The following AFAP1 variants were observed in gnomAD, a reference collection of about 807,000 sequenced individuals.
AFAP1 encodes actin filament associated protein 1.
A neutral mutation model predicts 93.9 loss-of-function variants in AFAP1; 75 were observed. That is an observed-to-expected ratio of 0.80 (90% CI 0.66 to 0.97). The LOEUF is 0.97. Ranked by LOEUF, AFAP1 falls within the 50% of genes least tolerant of loss-of-function variation. AFAP1 has a pLI of 0.00. For synonymous variants in AFAP1, 517 were observed against 430.7 expected, an observed-to-expected ratio of 1.20 and a Z score of -2.48; for missense variants, 1,201 against 1,050.8, an observed-to-expected ratio of 1.14 and a Z score of -1.98.
intron 9 of AFAP1, among the ~76,000 whole-genome samples, chr4:7,801,075 G>A (rs1412763938): frequency 1.3e-5 from 2 of 152,146 alleles, no homozygotes; most frequent in African/African-American, 4.8e-5. Context: ...TACAAGTAGA[G>A]TAAGAGTCAC....
intron 1 of AFAP1, among the ~76,000 whole-genome samples, chr4:7,882,904 G>A (rs1389108061): frequency 1.3e-5 from 2 of 151,796 alleles, no homozygotes; most frequent in Non-Finnish European, 2.9e-5. Context: ...CTACTAATAG[G>A]CCAGGCACAG....
At chr4:7,904,930 A>T (rs1051725787) in intron 1 of AFAP1, among the ~76,000 whole-genome samples, 6 of 152,060 alleles carry the variant, frequency 3.9e-5, no homozygotes, top group East Asian at 3.9e-4. Context: ...ACTGGTCCCG[A>T]ACTCTGGGCT....
intron 3 of AFAP1, among the ~76,000 whole-genome samples, chr4:7,865,534 T>A (rs997966205): frequency 6.6e-6 from 1 of 152,112 alleles, no homozygotes; most frequent in Non-Finnish European, 1.5e-5. Flanking sequence ...GCCATAACCA[T>A]TTTCCTACCA....
intron 4 of AFAP1, among the ~76,000 whole-genome samples, chr4:7,852,344 A>C (rs563489243): frequency 6.6e-6 from 1 of 152,296 alleles, no homozygotes; most frequent in African/African-American, 2.4e-5. Flanking sequence ...TGGTTTCATT[A>C]AACTGGAAGC....
At chr4:7,895,460 A>C (rs1718709239) in intron 1 of AFAP1, among the ~76,000 whole-genome samples, 1 of 152,190 alleles carries the variant, frequency 6.6e-6, no homozygotes, top group South Asian at 2.1e-4. Context: ...GGATTAACCA[A>C]AGATAATCTG....
At chr4:7,873,599 G>C (rs760288239) in intron 1 of AFAP1, among the ~76,000 whole-genome samples, 11 of 151,882 alleles carry the variant, frequency 7.2e-5, no homozygotes, top group East Asian at 1.9e-4. Context: ...CCACCCATCT[G>C]GGCCTCCCAA....
chr4:7,933,151 C>T (rs1351319034), intron 1 of AFAP1, among the ~76,000 whole-genome samples: 5 of 151,934 alleles, frequency 3.3e-5, no homozygotes, highest in Non-Finnish European at 2.9e-5. Context: ...TTGGTAACCG[C>T]GGTGGGAGAT....
At chr4:7,781,176 T>G (rs1405057727) in intron 13 of AFAP1, among the ~76,000 whole-genome samples, 200 bp downstream of exon 13, 1 of 152,214 alleles carries the variant, frequency 6.6e-6, no homozygotes, top group African/African-American at 2.4e-5. Flanking sequence ...AGAAACACAG[T>G]GCTCAGATAA....
chr4:7,886,622 A>G (rs1441247444), intron 1 of AFAP1, among the ~76,000 whole-genome samples: 1 of 152,214 alleles, frequency 6.6e-6, no homozygotes, highest in Non-Finnish European at 1.5e-5. Context: ...CTGACCCTTA[A>G]AAGTCAGATT....
chr4:7,877,254 C>G (rs62289339), intron 1 of AFAP1, among the ~76,000 whole-genome samples: 48,416 of 152,124 alleles, frequency 0.32, 9,186 homozygotes, highest in Non-Finnish European at 0.44. Context: ...GTGACTTCCA[C>G]AGGAAGAGAA....
At chr4:7,891,036 T>C (rs185998651) in intron 1 of AFAP1, among the ~76,000 whole-genome samples, 702 of 151,896 alleles carry the variant, frequency 4.6e-3, no homozygotes, top group Middle Eastern at 0.031. Context: ...GATAAACAGA[T>C]TGCAATATGT....
At chr4:7,868,573 C>A (rs559215253) in intron 3 of AFAP1, 49 bp downstream of exon 3, 2 of 1,545,460 alleles carry the variant, frequency 1.3e-6, no homozygotes, top group East Asian at 2.3e-5. Flanking sequence ...CCCGTAAGTA[C>A]CCCCAGGCCT....
At chr4:7,929,088 C>T (rs900962154) in intron 1 of AFAP1, among the ~76,000 whole-genome samples, 2 of 152,236 alleles carry the variant, frequency 1.3e-5, no homozygotes, top group East Asian at 1.9e-4. Flanking sequence ...GGAATCAGCA[C>T]ACAGTTCTGC....
chr4:7,867,864 G>A (rs560282376), intron 3 of AFAP1, among the ~76,000 whole-genome samples: 7 of 152,212 alleles, frequency 4.6e-5, no homozygotes, highest in South Asian at 4.2e-4. Context: ...CAGGCAGAGC[G>A]GGGGTGATCA....
chr4:7,810,513 G>C (rs1719916988), intron 8 of AFAP1, among the ~76,000 whole-genome samples: 1 of 152,170 alleles, frequency 6.6e-6, no homozygotes. Context: ...GGAAAGGAAG[G>C]GGAATTGACT....
chr4:7,826,595 C>T (rs1038475858), intron 6 of AFAP1, among the ~76,000 whole-genome samples: 5 of 152,260 alleles, frequency 3.3e-5, no homozygotes, highest in African/African-American at 1.2e-4. Flanking sequence ...TTGTCTGTAG[C>T]ACACAAAAGA....
intron 7 of AFAP1, among the ~76,000 whole-genome samples, chr4:7,816,387 G>A (rs777196501): frequency 8.6e-5 from 13 of 151,972 alleles, no homozygotes; most frequent in Non-Finnish European, 1.8e-4. Flanking sequence ...ATCACTTCTT[G>A]TAAATGATTT....
intron 1 of AFAP1, among the ~76,000 whole-genome samples, chr4:7,900,016 C>G (rs1454046818): frequency 6.6e-6 from 1 of 152,140 alleles, no homozygotes. Flanking sequence ...ATGTGCTTCC[C>G]TAAGACTAAG....
intron 1 of AFAP1, among the ~76,000 whole-genome samples, chr4:7,932,243 C>T (rs1289574887): frequency 6.6e-6 from 1 of 150,880 alleles, no homozygotes; most frequent in South Asian, 2.1e-4. Flanking sequence ...AAAAAAAAAT[C>T]AAAAACACCC....
Sources: gnomAD v4.1 joint callset for allele counts (sites outside exome capture counted in the v4.1 genomes callset) on GRCh38, gnomAD v4.1.1 for gene constraint, MANE v1.5 for transcripts, NCBI Gene and HGNC (gene_info 2026-07-23, HGNC 2026-07-21) for gene names.